Variants in PHIP observed in about 807,000 individuals in gnomAD.
PHIP encodes the protein PH-interacting protein.
Under a neutral mutation model 236.8 loss-of-function variants are expected in PHIP, and 54 were observed. The ratio of observed to expected loss-of-function variants is 0.23; its 90% CI spans 0.18 to 0.29. PHIP has a LOEUF of 0.29. PHIP is among the 10% of genes least tolerant of loss of function. The pLI is 1.00. For missense variants in PHIP, 1,370 were observed against 2,190.8 expected (o/e 0.63, Z 7.48); for synonymous variants, 756 against 718.9 (o/e 1.05, Z -0.83).
At chr6:79,000,895 C>CATTCTAAGTGGACGTGTCTA (rs1554203398) in intron 17 of PHIP, among the ~76,000 whole-genome samples, 1 of 152,098 alleles carries the variant, frequency 6.6e-6, no homozygotes, top group Non-Finnish European at 1.5e-5. Flanking sequence ...TCTCACCCTC[C>CATTCTAAGTGGACGTGTCTA]ATTCTAAGTG....
chr6:79,041,147 T>C (rs1317307734), intron 7 of PHIP, among the ~76,000 whole-genome samples: 2 of 152,108 alleles, frequency 1.3e-5, no homozygotes, highest in African/African-American at 4.8e-5. Flanking sequence ...TCTGCTGTTG[T>C]AGTGCACAGG....
At chr6:79,022,118 A>T (rs1052858073) in intron 9 of PHIP, among the ~76,000 whole-genome samples, 2 of 152,186 alleles carry the variant, frequency 1.3e-5, no homozygotes, top group African/African-American at 4.8e-5. Flanking sequence ...AAACATTTTT[A>T]AAAAGGGCCT....
At chr6:78,990,095 G>A (rs1479204409) in intron 20 of PHIP, among the ~76,000 whole-genome samples, 1 of 152,110 alleles carries the variant, frequency 6.6e-6, no homozygotes, top group Non-Finnish European at 1.5e-5. Flanking sequence ...AAAAAAGGAA[G>A]GAACACGAAG....
At position 78,941,228 on chromosome 6, in the gene PHIP, T is replaced by G; in HGVS notation, c.4931A>C (p.Lys1644Thr). The change falls in exon 40 of 40, where the codon AAA becomes ACA. Residue 1644 changes from lysine to threonine, a missense_variant. Lys to Thr is a moderately conservative substitution (Grantham distance 78). Coordinates refer to ENST00000275034, the MANE Select transcript of PHIP (RefSeq NM_017934.7). ...LVKRGPGRKPKVEVNTNSGEI... is the reference protein window; with the variant it reads ...LVKRGPGRKPTVEVNTNSGEI... ...ACCACTATTGGTATTAACTTCTACT[T>G]TAGGTTTCCTTCCAGGTCCCCTCTT... is the stretch of plus-strand genomic sequence containing the variant. The G allele has an allele frequency of 1.2e-6, 2 of 1,614,002 alleles. No individual in the cohort carries two copies. Among genetic ancestry groups the G allele is most frequent in the Non-Finnish European group, 1.7e-6 (2 of 1,179,882 alleles).
At chr6:79,037,801 A>G (rs1772015220) in intron 7 of PHIP, among the ~76,000 whole-genome samples, 1 of 152,164 alleles carries the variant, frequency 6.6e-6, no homozygotes, top group East Asian at 1.9e-4. Flanking sequence ...TATATCTCAA[A>G]TTGCTTGATT....
At chr6:78,958,731 G>C in intron 31 of PHIP, 131 bp from the exon 32 acceptor site, 1 of 644,380 alleles carries the variant, frequency 1.6e-6, no homozygotes, top group South Asian at 1.9e-5. Flanking sequence ...GTCTTATAAA[G>C]TCATTTTCAA....
At position 78,955,245 on chromosome 6, in the gene PHIP, G is replaced by T. The variant is rs1233887602; in HGVS notation, c.3890C>A (p.Thr1297Asn). The T allele has an allele frequency of 6.2e-7, 1 of 1,606,938 alleles. No individual in the cohort carries two copies. The highest frequency in any genetic ancestry group is 8.5e-7 in the Non-Finnish European group (1 of 1,175,340). The change falls in exon 34 of 40, where the codon ACT becomes AAT. Residue 1297 changes from threonine to asparagine, a missense_variant. Thr to Asn is a moderately conservative substitution (Grantham distance 65). This residue lies in a region of PHIP where 125 missense variants were observed against 235.1 expected (regional missense o/e 0.53). Transcript: ENST00000275034. ...EKDADVPGTS[T>N]RKRKDHQPRR... ...AAACTATATTACCTTCCTTTTTCGA[G>T]TAGAAGTTCCTGGCACATCAGCATC...
Position 78,954,839 on chromosome 6 carries a change from T to A in PHIP, c.4028A>T (p.Gln1343Leu). The A allele has an allele frequency of 6.3e-7, 1 of 1,581,618 alleles. No homozygotes were observed. Among genetic ancestry groups the A allele is most frequent in the Non-Finnish European group, 8.5e-7 (1 of 1,169,604 alleles). The stretch of plus-strand genomic sequence containing the variant: ...TGGATATTCAAGGAGATCTACCGGC[T>A]GACGGAAAGGCTCTGAATCTTCACA... ...FQCEDSEPFR[Q>L]PVDLLEYPDY... is the part of the protein sequence containing the mutation. The change falls in exon 35 of 40, where the codon CAG (glutamine) becomes CTG (leucine). Residue 1343 changes from glutamine (Q) to leucine (L), a missense_variant. By Grantham distance (113) the Gln-to-Leu change is moderately radical. Coordinates refer to ENST00000275034, the MANE Select transcript of PHIP (RefSeq NM_017934.7).
intron 20 of PHIP, 71 bp from the exon 21 acceptor site, chr6:78,988,420 T>C (rs1296041155): frequency 1.7e-6 from 2 of 1,194,918 alleles, no homozygotes; most frequent in Non-Finnish European, 2.3e-6. Flanking sequence ...AAAGTTAAAA[T>C]TTTTTAATTA....
intron 15 of PHIP, among the ~76,000 whole-genome samples, chr6:79,007,379 G>C (rs1770338398): frequency 6.6e-6 from 1 of 151,988 alleles, no homozygotes; most frequent in Non-Finnish European, 1.5e-5. Context: ...CTAGAATCCA[G>C]TTCTAAAATC....
intron 19 of PHIP, among the ~76,000 whole-genome samples, chr6:78,995,991 T>A (rs974348364): frequency 1.3e-5 from 2 of 152,308 alleles, no homozygotes; most frequent in Admixed American, 1.3e-4. Flanking sequence ...CAATGAATAG[T>A]TAAGCCCAAT....
intron 10 of PHIP, among the ~76,000 whole-genome samples, chr6:79,018,672 G>A (rs763962291): frequency 3.3e-5 from 5 of 151,700 alleles, no homozygotes; most frequent in East Asian, 1.9e-4. Context: ...AATATGTAGC[G>A]AATTAACTGA....
intron 24 of PHIP, among the ~76,000 whole-genome samples, chr6:78,971,659 C>T (rs1767564597): frequency 6.6e-6 from 1 of 152,092 alleles, no homozygotes; most frequent in East Asian, 1.9e-4. Flanking sequence ...GGGCGCAGGT[C>T]AGTGGGTGCG....
chr6:78,955,953 A>G, intron 32 of PHIP: 1 of 232,280 alleles, frequency 4.3e-6, no homozygotes, highest in Non-Finnish European at 8.3e-6. Flanking sequence ...TGCTTCTTCC[A>G]TTCCTCAGTC....
At chr6:79,076,062 G>T (rs1233603874) in intron 4 of PHIP, among the ~76,000 whole-genome samples, 1 of 152,166 alleles carries the variant, frequency 6.6e-6, no homozygotes, top group African/African-American at 2.4e-5. Flanking sequence ...CACACGTTCA[G>T]TGTGAAAATG....
intron 7 of PHIP, among the ~76,000 whole-genome samples, chr6:79,039,399 C>A (rs967307389): frequency 1.3e-5 from 2 of 152,152 alleles, no homozygotes; most frequent in Admixed American, 1.3e-4. Context: ...GCTGTTACTT[C>A]TCTAGTAAAT....
intron 19 of PHIP, among the ~76,000 whole-genome samples, chr6:78,993,406 A>T (rs940517004): frequency 6.6e-6 from 1 of 152,188 alleles, no homozygotes; most frequent in African/African-American, 2.4e-5. Context: ...ATGGAAGAAG[A>T]TATCATCTGG....
At chr6:79,019,058 T>C (rs779417245) in intron 10 of PHIP, 31 bp downstream of exon 10, 6 of 1,522,632 alleles carry the variant, frequency 3.9e-6, no homozygotes, top group Non-Finnish European at 4.6e-6. Context: ...TGAACAACTT[T>C]AAGTCGAAAA....
intron 6 of PHIP, among the ~76,000 whole-genome samples, chr6:79,044,947 G>C (rs1562204746): frequency 6.6e-6 from 1 of 151,774 alleles, no homozygotes; most frequent in Non-Finnish European, 1.5e-5. Context: ...TTTTCATTTT[G>C]GAAGCCAATT....
Sources: gnomAD v4.1 joint callset for allele counts (sites outside exome capture counted in the v4.1 genomes callset) on GRCh38, gnomAD v4.1.1 for gene constraint, gnomAD v4.1.1 regional missense constraint, MANE v1.5 for transcripts, NCBI Gene and HGNC (gene_info 2026-07-23, HGNC 2026-07-21) for gene names.